The following PAXIP1 variants were observed in gnomAD, a reference collection of about 807,000 sequenced individuals.
PAXIP1 encodes PAX-interacting protein 1.
A neutral mutation model predicts 140.6 loss-of-function variants in PAXIP1; 19 were observed. The ratio of observed to expected loss-of-function variants is 0.14; its 90% confidence interval spans 0.09 to 0.20. The LOEUF is 0.20. Among genes scored for constraint, PAXIP1 ranks in the 10% least tolerant of loss-of-function variants. The pLI is 1.00. For missense variants in PAXIP1, 920 were observed against 1,208.6 expected (o/e 0.76, Z 3.54); for synonymous variants, 442 against 444.6 (o/e 0.99, Z 0.07).
At chr7:154,969,264 C>A in intron 6 of PAXIP1, 138 bp from the exon 7 acceptor site, 1 of 891,612 alleles carries the variant, frequency 1.1e-6, no homozygotes, top group South Asian at 2.5e-5. Context: ...TTGGAAACTG[C>A]AAAAACAATA....
In PAXIP1 at chr7:154,998,713, T is replaced by C; in HGVS notation, c.153A>G (p.Ser51=). Residue 51 remains serine, a synonymous_variant, in exon 2 of 21, where the codon TCA becomes TCG. Coordinates refer to ENST00000404141, the MANE Select transcript of PAXIP1 (RefSeq NM_007349.4). ...SYNALASHII[S]EDGDNPEVGE... is the part of the protein sequence containing the mutation. The stretch of plus-strand genomic sequence containing the variant: ...CCACCTCTGGATTGTCCCCATCCTC[T>C]GAGATTATGTGTGAGGCTAGTGCAT... 1 of 1,611,546 alleles carries C rather than the reference T, an allele frequency of 6.2e-7. No homozygotes were observed.
Position 154,986,802 on chromosome 7 carries a change from C to T in PAXIP1, c.325-3470G>A, listed in dbSNP as rs1401458753. Among the ~76,000 whole-genome samples, 2 of 152,142 alleles carry T rather than the reference C, an allele frequency of 1.3e-5. No individual in the cohort carries two copies. Among genetic ancestry groups the T allele is most frequent in the South Asian group, 2.1e-4 (1 of 4,830 alleles). On this transcript the variant is annotated intron_variant, in intron 4 of 20. Transcript: ENST00000404141. The surrounding 1 kb of genome is among the most constrained non-coding windows in gnomAD (Gnocchi z 4.8). ...ATTCATCACGCTAAGTGATGAACTGCGGGAAGTACAGTAAGTGACCCACAA... is the reference window on the plus strand; with the variant it reads ...ATTCATCACGCTAAGTGATGAACTGTGGGAAGTACAGTAAGTGACCCACAA...
rs1443777586 is a variant in PAXIP1 at position 154,951,839 on chromosome 7, A to T, written c.2821+2416T>A. 3 of 152,238 alleles carry T rather than the reference A, an allele frequency of 2.0e-5. No homozygotes were observed. The East Asian group carries it at 5.8e-4, about 29-fold the overall frequency. 9.4% of individuals were successfully genotyped at this position (152,238 alleles called of 1,614,324 possible). A position where few individuals can be genotyped will look rare whatever the true frequency, so the allele number is the denominator to read the frequency against. ...GTTGGAAAAGAAAAAGAATAAGCAAAGTCAGAAAGTAACAAAAAAGATCTC... is the reference window on the plus strand; with the variant it reads ...GTTGGAAAAGAAAAAGAATAAGCAATGTCAGAAAGTAACAAAAAAGATCTC... On this transcript the variant is annotated intron_variant, in intron 16 of 20. Coordinates refer to ENST00000404141, the MANE Select transcript of PAXIP1 (RefSeq NM_007349.4).
Sources: allele counts gnomAD v4.1 joint callset (sites outside exome capture counted in the v4.1 genomes callset), GRCh38; gene constraint gnomAD v4.1.1; non-coding constraint Gnocchi (gnomAD v3.1); transcripts MANE v1.5; gene names NCBI Gene and HGNC (gene_info 2026-07-23, HGNC 2026-07-21).